The following NDN variants were observed in gnomAD, a reference collection of about 807,000 sequenced individuals.
NDN encodes the protein necdin.
For synonymous variants in NDN, 245 were observed against 189.4 expected (o/e 1.29, Z -2.41); for missense variants, 465 against 440.4 (o/e 1.06, Z -0.50).
Position 23,687,163 on chromosome 15 carries a change from T to TG in NDN, c.54dup (p.Asn19GlnfsTer219). 6.5e-7 allele frequency: 1 copy of TG among 1,540,100 alleles called. No homozygotes were observed. The highest frequency in any genetic ancestry group is 1.4e-5 in the African/African-American group (1 of 70,216). ...CCAGGGCTGCTGTGCACCTCGGAGT[T>TG]GGGGGCCTCGGCTGCAAAGTTAGGG... On this transcript the variant is annotated frameshift_variant, in exon 1 of 1. Transcript: ENST00000649030. LOFTEE classifies it low-confidence loss of function (END_TRUNC).
chr15:23,686,226 A>G lies in NDN; in HGVS notation c.*26T>C. ...TTCCACAGCCCTGGTGAGGGTCAGA[A>G]ACCATTCATCTGCCTCCAGACTTTG... On this transcript the variant is annotated 3_prime_UTR_variant, in exon 1 of 1. Coordinates refer to ENST00000649030, the MANE Select transcript of NDN (RefSeq NM_002487.3). The G allele has an allele frequency of 6.6e-7, 1 of 1,505,298 alleles. No individual in the cohort carries two copies. Among genetic ancestry groups the G allele is most frequent in the Non-Finnish European group, 8.9e-7 (1 of 1,129,160 alleles). 93.2% of individuals were successfully genotyped at this position (1,505,298 alleles called of 1,614,324 possible). A position where few individuals can be genotyped will look rare whatever the true frequency, so the allele number is the denominator to read the frequency against.
rs1219406863 is a variant in NDN, at chr15:23,685,524, C to T, written c.*728G>A. 3 of 152,098 alleles carry T rather than the reference C, an allele frequency of 2.0e-5. No homozygotes were observed. The highest frequency in any genetic ancestry group is 4.4e-5 in the Non-Finnish European group (3 of 68,022). The allele number at this position is 152,098 out of a possible 1,614,324, so 9.4% of individuals were successfully genotyped here. A position where few individuals can be genotyped will look rare whatever the true frequency, so the allele number is the denominator to read the frequency against. ...TGAGTTACATTTAAAGACAATAGAA[C>T]TATAAACTTCACAAATTTAGGAGTA... is the stretch of plus-strand genomic sequence containing the variant. On this transcript the variant is annotated 3_prime_UTR_variant, in exon 1 of 1. Transcript: ENST00000649030.
chr15:23,687,031 C>A lies in NDN; in HGVS notation c.187G>T (p.Asp63Tyr), dbSNP rs1463930530. 3 of 1,491,378 alleles carry A rather than the reference C, an allele frequency of 2.0e-6. No homozygotes were observed. The highest frequency in any genetic ancestry group is 2.4e-5 in the Admixed American group (1 of 41,028). 92.4% of individuals were successfully genotyped at this position (1,491,378 alleles called of 1,614,324 possible). The change falls in exon 1 of 1, where the codon GAC (aspartate) becomes TAC (tyrosine). Residue 63 changes from aspartate (D) to tyrosine (Y), a missense_variant. Physicochemically the swap from Asp to Tyr is radical, Grantham distance 160 (BLOSUM62 -3). Transcript: ENST00000649030. ...QAAPPPQAPN[D>Y]EGDPKALQQA... is the part of the protein sequence containing the mutation. ...TGCAGGGCCTTCGGGTCGCCCTCGTCGTTCGGGGCCTGGGGAGGCGGCGCG... is the reference window on the plus strand; with the variant it reads ...TGCAGGGCCTTCGGGTCGCCCTCGTAGTTCGGGGCCTGGGGAGGCGGCGCG...
chr15:23,686,787 C>T lies in NDN; in HGVS notation c.431G>A (p.Ser144Asn), dbSNP rs763065791. Residue 144 changes from serine (S) to asparagine (N), a missense_variant, in exon 1 of 1, where the codon AGC (serine) becomes AAC (asparagine). Coordinates refer to ENST00000649030, the MANE Select transcript of NDN (RefSeq NM_002487.3). ...KWCRSILRRT[S>N]LILARVFGLH... is the part of the protein sequence containing the mutation. Reference sequence around the variant, plus strand: ...CCCGAACACCCGGGCGAGGATGAGGCTGGTGCGCCGGAGGATGCTCCTGCA... The same window carrying T: ...CCCGAACACCCGGGCGAGGATGAGGTTGGTGCGCCGGAGGATGCTCCTGCA... 6.2e-7 allele frequency: 1 copy of T among 1,614,014 alleles called. No homozygotes were observed. The highest frequency in any genetic ancestry group is 8.5e-7 in the Non-Finnish European group (1 of 1,180,026).
chr15:23,686,501 G>T lies in NDN; in HGVS notation c.717C>A (p.Phe239Leu). 1 of 1,613,558 alleles carries T rather than the reference G, an allele frequency of 6.2e-7. No homozygotes were observed. Residue 239 changes from phenylalanine (F) to leucine (L), a missense_variant, in exon 1 of 1, where the codon TTC (phenylalanine) becomes TTA (leucine). Transcript: ENST00000649030. ...GGTACTTCAGGTAATTCATTTGGAC[G>T]AACTCCTCAGTGATGAGCTTCCGCA... is the stretch of plus-strand genomic sequence containing the variant. Reference protein sequence around the residue: ...GDVRKLITEEFVQMNYLKYQR... With the variant: ...GDVRKLITEELVQMNYLKYQR...
At position 23,686,427 on chromosome 15, in the gene NDN, G is replaced by C. The variant is rs755074055; in HGVS notation, c.791C>G (p.Ser264Cys). The C allele has an allele frequency of 7.5e-6, 12 of 1,608,776 alleles. No homozygotes were observed. Among genetic ancestry groups the C allele is most frequent in the Non-Finnish European group, 1.0e-5 (12 of 1,176,638 alleles). The change falls in exon 1 of 1, where the codon TCC becomes TGC. Residue 264 changes from serine (S) to cysteine (C), a missense_variant. Transcript: ENST00000649030. The part of the protein sequence containing the change: ...EPPEYEFFWG[S>C]RASREITKMQ... The stretch of plus-strand genomic sequence containing the variant: ...CTTGGTGATTTCGCGGCTGGCCCGG[G>C]AGCCCCAAAAGAACTCGTATTCGGG...
Position 23,686,909 on chromosome 15 carries a change from G to A in NDN, c.309C>T (p.His103=), listed in dbSNP as rs752319081. The A allele has an allele frequency of 5.0e-6, 8 of 1,613,622 alleles. No homozygotes were observed. Among genetic ancestry groups the A allele is most frequent in the African/African-American group, 1.3e-5 (1 of 75,036 alleles). ...TGACCAGCACGTACCACATGAGCTC[G>A]TGCGCCTTCTGCACCAGCTGCGCCG... is the stretch of plus-strand genomic sequence containing the variant. ...PAPAQLVQKA[H]ELMWYVLVKD... The change falls in exon 1 of 1, where the codon CAC becomes CAT. Residue 103 remains histidine (H), a synonymous_variant. Coordinates refer to ENST00000649030, the MANE Select transcript of NDN (RefSeq NM_002487.3).
rs1891154935 is a variant in NDN, at chr15:23,686,808, C to T, written c.410G>A (p.Arg137Lys). Reference sequence around the variant, plus strand: ...GAGGCTGGTGCGCCGGAGGATGCTCCTGCACCACTTCTTGTAGCTGCCGAT... The same window carrying T: ...GAGGCTGGTGCGCCGGAGGATGCTCTTGCACCACTTCTTGTAGCTGCCGAT... ...DVIGSYKKWC[R>K]SILRRTSLIL... is the part of the protein sequence containing the mutation. Residue 137 changes from arginine to lysine, a missense_variant, in exon 1 of 1, where the codon AGG becomes AAG. By Grantham distance (26) the Arg-to-Lys change is conservative (BLOSUM62 2). Coordinates refer to ENST00000649030, the MANE Select transcript of NDN (RefSeq NM_002487.3). 2 of 1,613,916 alleles carry T rather than the reference C, an allele frequency of 1.2e-6. No homozygotes were observed. The highest frequency in any genetic ancestry group is 1.7e-6 in the Non-Finnish European group (2 of 1,180,036).
At position 23,686,615 on chromosome 15, in the gene NDN, C is replaced by T. The variant is rs773843519; in HGVS notation, c.603G>A (p.Lys201=). The T allele has an allele frequency of 1.9e-6, 3 of 1,613,324 alleles. No homozygotes were observed. The highest frequency in any genetic ancestry group is 4.5e-5 in the East Asian group (2 of 44,860). ...LLMILSLIYV[K]GRGARESAVW... The stretch of plus-strand genomic sequence containing the variant: ...CGGCGCTCTCTCTGGCGCCGCGGCC[C>T]TTCACGTAGATGAGGCTCAGGATCA... The change falls in exon 1 of 1, where the codon AAG becomes AAA. Residue 201 remains lysine (K), a synonymous_variant. Transcript: ENST00000649030.
chr15:23,687,022 C>G lies in NDN; in HGVS notation c.196G>C (p.Asp66His), dbSNP rs772214524. The stretch of plus-strand genomic sequence containing the variant: ...GCAGCCTGCTGCAGGGCCTTCGGGT[C>G]GCCCTCGTCGTTCGGGGCCTGGGGA... Reference protein sequence around the residue: ...PPPQAPNDEGDPKALQQAAEE... With the variant: ...PPPQAPNDEGHPKALQQAAEE... The change falls in exon 1 of 1, where the codon GAC becomes CAC. Residue 66 changes from aspartate (D) to histidine (H), a missense_variant. Transcript: ENST00000649030. 4 of 1,472,938 alleles carry G rather than the reference C, an allele frequency of 2.7e-6. No individual in the cohort carries two copies. The Admixed American group carries it at 1.1e-4, about 39-fold the overall frequency. The allele number at this position is 1,472,938 out of a possible 1,614,324, so 91.2% of individuals were successfully genotyped here.
Position 23,686,655 on chromosome 15 carries a change from G to C in NDN, c.563C>G (p.Thr188Arg), listed in dbSNP as rs1891149409. Residue 188 changes from threonine (T) to arginine (R), a missense_variant, in exon 1 of 1, where the codon ACA (threonine) becomes AGA (arginine). Physicochemically the swap from Thr to Arg is moderately conservative, Grantham distance 71 (BLOSUM62 -1). Coordinates refer to ENST00000649030, the MANE Select transcript of NDN (RefSeq NM_002487.3). ...GCTCAGGATCATGAGCAGGAGGCCTGTCATGGGCATGCGGTTGCTCAGCGC... is the reference window on the plus strand; with the variant it reads ...GCTCAGGATCATGAGCAGGAGGCCTCTCATGGGCATGCGGTTGCTCAGCGC... Reference protein sequence around the residue: ...RVALSNRMPMTGLLLMILSLI... With the variant: ...RVALSNRMPMRGLLLMILSLI... The C allele has an allele frequency of 6.2e-7, 1 of 1,613,506 alleles. No individual in the cohort carries two copies. Among genetic ancestry groups the C allele is most frequent in the Non-Finnish European group, 8.5e-7 (1 of 1,180,018 alleles).
rs1891135344 is a variant in NDN, at chr15:23,685,846, G to C, written c.*406C>G. On this transcript the variant is annotated 3_prime_UTR_variant, in exon 1 of 1. Coordinates refer to ENST00000649030, the MANE Select transcript of NDN (RefSeq NM_002487.3). ...GCCCAGCAAGGTCATGAAGGGCCTT[G>C]ACTTTTCTTGGTTAGGCCGGCTTTG... 6.5e-6 allele frequency: 1 copy of C among 154,504 alleles called. No homozygotes were observed. The highest frequency in any genetic ancestry group is 6.5e-5 in the Admixed American group (1 of 15,440). 9.6% of individuals were successfully genotyped at this position (154,504 alleles called of 1,614,324 possible).
Position 23,686,530 on chromosome 15 carries a change from C to A in NDN, c.688G>T (p.Asp230Tyr), listed in dbSNP as rs1410746872. 1.2e-5 allele frequency: 19 copies of A among 1,613,430 alleles called. No homozygotes were observed. Among genetic ancestry groups the A allele is most frequent in the Non-Finnish European group, 1.5e-5 (18 of 1,180,046 alleles). Residue 230 changes from aspartate (D) to tyrosine (Y), a missense_variant, in exon 1 of 1, where the codon GAC becomes TAC. Transcript: ENST00000649030. ...TCCTCAGTGATGAGCTTCCGCACGT[C>A]CCCGAAGGTGGAGTGCTTCTTCCAG... ...RPWKKHSTFGDVRKLITEEFV... is the reference protein window; with the variant it reads ...RPWKKHSTFGYVRKLITEEFV...
rs1387152029 is a variant in NDN, at chr15:23,687,163, T to C, written c.55A>G (p.Asn19Asp). ...SDPNFAAEAP[N>D]SEVHSSPGVS... ...CCAGGGCTGCTGTGCACCTCGGAGT[T>C]GGGGGCCTCGGCTGCAAAGTTAGGG... The change falls in exon 1 of 1, where the codon AAC becomes GAC. Residue 19 changes from asparagine to aspartate, a missense_variant. By Grantham distance (23) the Asn-to-Asp change is conservative. Coordinates refer to ENST00000649030, the MANE Select transcript of NDN (RefSeq NM_002487.3). The C allele has an allele frequency of 4.5e-6, 7 of 1,539,994 alleles. No individual in the cohort carries two copies. The highest frequency in any genetic ancestry group is 1.7e-4 in the Middle Eastern group (1 of 5,748).
Position 23,686,353 on chromosome 15 carries a change from C to T in NDN, c.865G>A (p.Ala289Thr), listed in dbSNP as rs371136148. 15 of 1,593,660 alleles carry T rather than the reference C, an allele frequency of 9.4e-6. No homozygotes were observed. Among genetic ancestry groups the T allele is most frequent in the Non-Finnish European group, 4.3e-6 (5 of 1,169,662 alleles). Residue 289 changes from alanine to threonine, a missense_variant, in exon 1 of 1, where the codon GCC becomes ACC. Ala to Thr is a moderately conservative substitution (Grantham distance 58). Transcript: ENST00000649030. ...GCTTCTCTGTATCGGGAGGGCCAGG[C>T]CTGGGGGTCTTTCTTAAAGACCCTG... Reference protein sequence around the residue: ...LARVFKKDPQAWPSRYREALE... With the variant: ...LARVFKKDPQTWPSRYREALE...
rs777277983 is a variant in NDN at position 23,686,297 on chromosome 15, AGCCTCCCGCAGAGCTCTG to A, written c.903_920del (p.Arg302_Ala307del). The A allele has an allele frequency of 3.1e-5, 47 of 1,516,730 alleles. No homozygotes were observed. Among genetic ancestry groups the A allele is most frequent in the Non-Finnish European group, 3.9e-5 (44 of 1,134,246 alleles). The allele number at this position is 1,516,730 out of a possible 1,614,324, so 94.0% of individuals were successfully genotyped here. A position where few individuals can be genotyped will look rare whatever the true frequency, so the allele number is the denominator to read the frequency against. On this transcript the variant is annotated inframe_deletion, in exon 1 of 1. Coordinates refer to ENST00000649030, the MANE Select transcript of NDN (RefSeq NM_002487.3). ...TGCGAGGGTAGTGGGCAGTGGGATT[AGCCTCCCGCAGAGCTCTG>A]GCCTCCTCCAGAGCTTCTCTGTATC...
Position 23,686,251 on chromosome 15 carries a change from G to T in NDN, c.*1C>A. On this transcript the variant is annotated 3_prime_UTR_variant, in exon 1 of 1. Coordinates refer to ENST00000649030, the MANE Select transcript of NDN (RefSeq NM_002487.3). ...AACCATTCATCTGCCTCCAGACTTT[G>T]CTAGTCCTCAGAGACACTGCTGCGA... The T allele has an allele frequency of 6.6e-7, 1 of 1,507,010 alleles. No homozygotes were observed. The highest frequency in any genetic ancestry group is 1.4e-5 in the South Asian group (1 of 73,638). 93.4% of individuals were successfully genotyped at this position (1,507,010 alleles called of 1,614,324 possible).
At position 23,686,251 on chromosome 15, in the gene NDN, G is replaced by A. The variant is rs3743339; in HGVS notation, c.*1C>T. On this transcript the variant is annotated 3_prime_UTR_variant, in exon 1 of 1. Coordinates refer to ENST00000649030, the MANE Select transcript of NDN (RefSeq NM_002487.3). ...AACCATTCATCTGCCTCCAGACTTT[G>A]CTAGTCCTCAGAGACACTGCTGCGA... 1.5e-3 allele frequency: 2,320 copies of A among 1,507,004 alleles called. 44 individuals are homozygous for A. The East Asian group carries it at 0.044, about 29-fold the overall frequency. The allele number at this position is 1,507,004 out of a possible 1,614,324, so 93.4% of individuals were successfully genotyped here. A position where few individuals can be genotyped will look rare whatever the true frequency, so the allele number is the denominator to read the frequency against.
At position 23,686,424 on chromosome 15, in the gene NDN, C is replaced by T. The variant is rs754040091; in HGVS notation, c.794G>A (p.Arg265Gln). The change falls in exon 1 of 1, where the codon CGG becomes CAG. Residue 265 changes from arginine to glutamine, a missense_variant. Transcript: ENST00000649030. ...CATCTTGGTGATTTCGCGGCTGGCC[C>T]GGGAGCCCCAAAAGAACTCGTATTC... is the stretch of plus-strand genomic sequence containing the variant. ...PPEYEFFWGSRASREITKMQI... is the reference protein window; with the variant it reads ...PPEYEFFWGSQASREITKMQI... 1.2e-6 allele frequency: 2 copies of T among 1,608,290 alleles called. No homozygotes were observed. Among genetic ancestry groups the T allele is most frequent in the Non-Finnish European group, 1.7e-6 (2 of 1,176,362 alleles).
Sources: gnomAD v4.1 joint callset for allele counts on GRCh38, gnomAD v4.1.1 for gene constraint, MANE v1.5 for transcripts, NCBI Gene and HGNC (gene_info 2026-07-23, HGNC 2026-07-21) for gene names.